GRIN2A: variants seen among roughly 807,000 people sequenced by gnomAD.
GRIN2A encodes glutamate ionotropic receptor NMDA type subunit 2A, also known as glutamate receptor ionotropic, NMDA 2A.
In GRIN2A, 22 loss-of-function variants were observed where a neutral mutation model predicts 113.4. The ratio of observed to expected loss-of-function variants is 0.19; its 90% CI spans 0.14 to 0.28. The LOEUF (loss-of-function observed/expected upper bound fraction) is 0.28, where lower values mean the gene tolerates loss of function less well. GRIN2A is among the 10% of genes least tolerant of loss of function. The pLI is 1.00. For synonymous variants in GRIN2A, 827 were observed against 738.4 expected (o/e 1.12, Z -1.94); for missense variants, 1,502 against 1,887.0 (o/e 0.80, Z 3.78).
intron 2 of GRIN2A, among the ~76,000 whole-genome samples, chr16:10,126,226 A>C (rs1297354336): frequency 6.6e-6 from 1 of 151,754 alleles, no homozygotes; most frequent in Non-Finnish European, 1.5e-5. Context: ...GCAGTGGCAC[A>C]ATCAGAGCTC....
At chr16:10,063,747 T>C (rs887825570) in intron 2 of GRIN2A, among the ~76,000 whole-genome samples, 6 of 152,162 alleles carry the variant, frequency 3.9e-5, no homozygotes, top group Admixed American at 3.9e-4. Flanking sequence ...AAAATCCTCC[T>C]AAAAACAGTG....
rs1345889732 is a variant in GRIN2A at position 9,898,732 on chromosome 16, ACAGT to A, written c.1008-7636_1008-7633del. On this transcript the variant is annotated intron_variant, in intron 3 of 12. Coordinates refer to ENST00000330684, the MANE Select transcript of GRIN2A (RefSeq NM_001134407.3). ...ATTTAATTTACATGTTTTTGAAAAC[ACAGT>A]CAGTTTTCTTTAACCTCTTTTCAAT... 1.0e-4 allele frequency among the ~76,000 whole-genome samples: 13 copies of A among 130,278 alleles called. No homozygotes were observed. The South Asian group carries it at 2.8e-3, about 29-fold the overall frequency. The allele number at this position is 130,278 out of a possible 152,430, so 85.5% of individuals were successfully genotyped here. A position where few individuals can be genotyped will look rare whatever the true frequency, so the allele number is the denominator to read the frequency against.
At chr16:10,102,376 C>T (rs944677507) in intron 2 of GRIN2A, among the ~76,000 whole-genome samples, 1 of 152,202 alleles carries the variant, frequency 6.6e-6, no homozygotes, top group Non-Finnish European at 1.5e-5. Flanking sequence ...TATGCTACCC[C>T]CCTTTCACCT....
intron 9 of GRIN2A, among the ~76,000 whole-genome samples, chr16:9,823,866 C>G (rs2042335071): frequency 6.6e-6 from 1 of 152,124 alleles, no homozygotes; most frequent in African/African-American, 2.4e-5. Context: ...CTCTCCTCAT[C>G]TAGACATAAA....
chr16:9,858,805 C>G (rs751268011), intron 4 of GRIN2A, among the ~76,000 whole-genome samples: 2 of 151,984 alleles, frequency 1.3e-5, no homozygotes, highest in Non-Finnish European at 2.9e-5. Flanking sequence ...TAATATACAC[C>G]TCTTATGTCC....
chr16:9,859,104 A>G (rs1446651281), intron 4 of GRIN2A, among the ~76,000 whole-genome samples: 1 of 152,046 alleles, frequency 6.6e-6, no homozygotes, highest in Non-Finnish European at 1.5e-5. Flanking sequence ...CTGTATAGTA[A>G]AAGCTCTTCT....
At chr16:9,962,238 C>T (rs1292387316) in intron 2 of GRIN2A, among the ~76,000 whole-genome samples, 1 of 152,174 alleles carries the variant, frequency 6.6e-6, no homozygotes, top group African/African-American at 2.4e-5. Context: ...AAAGCAATGG[C>T]AACAAAAGCC....
rs560991593 is a variant in GRIN2A at position 10,071,112 on chromosome 16, C to T, written c.414+108886G>A. Among the ~76,000 whole-genome samples, 11 of 152,278 alleles carry T rather than the reference C, an allele frequency of 7.2e-5. No individual in the cohort carries two copies. In the South Asian group the frequency reaches 1.9e-3, roughly 26 times the overall value. On this transcript the variant is annotated intron_variant, in intron 2 of 12. Coordinates refer to ENST00000330684, the MANE Select transcript of GRIN2A (RefSeq NM_001134407.3). ...AATCTAGTGTGTTAAAATTGATAAA[C>T]CAGCTTAAGTAATACCTACATAAAA...
At chr16:9,789,824 G>A (rs557662976) in intron 11 of GRIN2A, among the ~76,000 whole-genome samples, 1 of 152,308 alleles carries the variant, frequency 6.6e-6, no homozygotes, top group Admixed American at 6.5e-5. Context: ...AGTCAAGGGT[G>A]GAGCAACGCA....
intron 4 of GRIN2A, among the ~76,000 whole-genome samples, chr16:9,865,794 T>C (rs1294319154): frequency 6.6e-6 from 1 of 152,182 alleles, no homozygotes; most frequent in Non-Finnish European, 1.5e-5. Context: ...GGGCAAGCTG[T>C]TTCTGCACAG....
At chr16:10,136,626 C>T (rs1387957372) in intron 2 of GRIN2A, among the ~76,000 whole-genome samples, 1 of 152,128 alleles carries the variant, frequency 6.6e-6, no homozygotes, top group African/African-American at 2.4e-5. Flanking sequence ...ACCTTTTCCT[C>T]CCCCATTTTT....
At chr16:10,072,924 G>C (rs72774129) in intron 2 of GRIN2A, among the ~76,000 whole-genome samples, 1 of 149,644 alleles carries the variant, frequency 6.7e-6, no homozygotes, top group Non-Finnish European at 1.5e-5. Context: ...GGCAAGATGA[G>C]GAAACTCAGT....
At chr16:10,088,940 T>C (rs1169346826) in intron 2 of GRIN2A, among the ~76,000 whole-genome samples, 6 of 152,252 alleles carry the variant, frequency 3.9e-5, no homozygotes, top group Non-Finnish European at 1.5e-5. Context: ...AAATAATTAT[T>C]GACACCCTTC....
chr16:10,149,450 C>A (rs2049520585), intron 2 of GRIN2A, among the ~76,000 whole-genome samples: 1 of 152,220 alleles, frequency 6.6e-6, no homozygotes, highest in South Asian at 2.1e-4. Context: ...TACTGAAATT[C>A]TCTGTACTAA....
intron 3 of GRIN2A, among the ~76,000 whole-genome samples, chr16:9,899,608 G>A (rs1212238904): frequency 6.6e-6 from 1 of 151,936 alleles, no homozygotes; most frequent in Non-Finnish European, 1.5e-5. Flanking sequence ...ATTCTATTGT[G>A]GTCAATTAAA....
Position 9,754,385 on chromosome 16 carries a change from C to G in GRIN2A, c.*8764G>C, listed in dbSNP as rs1900276478. 1 of 209,484 alleles carries G rather than the reference C, an allele frequency of 4.8e-6. No homozygotes were observed. Among genetic ancestry groups the G allele is most frequent in the African/African-American group, 2.3e-5 (1 of 44,096 alleles). 13.0% of individuals were successfully genotyped at this position (209,484 alleles called of 1,614,324 possible). A position where few individuals can be genotyped will look rare whatever the true frequency, so the allele number is the denominator to read the frequency against. On this transcript the variant is annotated 3_prime_UTR_variant, in exon 13 of 13. Transcript: ENST00000330684. Reference sequence around the variant, plus strand: ...TGTCACTGCTGTGTCAAGCAGTTTTCTGAATTTTCTATGAAAATGTTATTC... The same window carrying G: ...TGTCACTGCTGTGTCAAGCAGTTTTGTGAATTTTCTATGAAAATGTTATTC...
intron 2 of GRIN2A, among the ~76,000 whole-genome samples, chr16:10,178,488 C>A (rs1290217396): frequency 6.6e-6 from 1 of 152,166 alleles, no homozygotes; most frequent in Non-Finnish European, 1.5e-5. Context: ...CCAAGAAACC[C>A]TAAGATGCTC....
chr16:9,956,746 G>A (rs2045320490), intron 2 of GRIN2A, among the ~76,000 whole-genome samples: 1 of 152,148 alleles, frequency 6.6e-6, no homozygotes, highest in Non-Finnish European at 1.5e-5. Flanking sequence ...ATGCACAATG[G>A]GGGAAACAGA....
At chr16:9,774,723 G>T (rs1386029408) in intron 11 of GRIN2A, among the ~76,000 whole-genome samples, 1 of 152,232 alleles carries the variant, frequency 6.6e-6, no homozygotes, top group African/African-American at 2.4e-5. Context: ...GAGTACATCA[G>T]AATTTATCTC....
Sources: allele counts gnomAD v4.1 joint callset (sites outside exome capture counted in the v4.1 genomes callset), GRCh38; gene constraint gnomAD v4.1.1; transcripts MANE v1.5; gene names NCBI Gene and HGNC (gene_info 2026-07-23, HGNC 2026-07-21).